SLIT3: variants seen among roughly 807,000 people sequenced by gnomAD.
SLIT3 encodes slit guidance ligand 3, also known as slit homolog 3 protein.
In SLIT3, 68 loss-of-function variants were observed where a neutral mutation model predicts 184.0. The ratio of observed to expected loss-of-function variants is 0.37; its 90% CI spans 0.30 to 0.45. The LOEUF is 0.45. Ranked by LOEUF, SLIT3 falls within the 20% of genes least tolerant of loss-of-function variation. The probability of loss-of-function intolerance (pLI) is 1.00; values close to 1 mark genes in which losing one functional copy is unlikely to be tolerated. For missense variants in SLIT3, 1,707 were observed against 2,026.0 expected (o/e 0.84, Z 3.02); for synonymous variants, 831 against 828.6 (o/e 1.00, Z -0.05).
intron 1 of SLIT3, 139 bp from the exon 2 acceptor site, chr5:169,251,598 G>C: frequency 1.5e-6 from 1 of 661,926 alleles, no homozygotes; most frequent in Non-Finnish European, 2.8e-6. Flanking sequence ...CCTTGAGCGT[G>C]CCCGGCTAAC....
intron 8 of SLIT3, among the ~76,000 whole-genome samples, chr5:168,813,035 C>T (rs999864833): frequency 3.3e-5 from 5 of 152,130 alleles, no homozygotes; most frequent in African/African-American, 4.8e-5. Context: ...AAAAAGTGTA[C>T]GACGTGGCCC....
chr5:169,151,864 C>T (rs1186643425), intron 4 of SLIT3, among the ~76,000 whole-genome samples: 1 of 152,188 alleles, frequency 6.6e-6, no homozygotes, highest in Non-Finnish European at 1.5e-5. Context: ...GACTTCAAAT[C>T]CTGCCCCTGC....
At chr5:168,809,350 C>T (rs534401894) in intron 8 of SLIT3, among the ~76,000 whole-genome samples, 155 of 152,316 alleles carry the variant, frequency 1.0e-3, no homozygotes, top group South Asian at 2.7e-3. Context: ...GTCACTAACA[C>T]CACCTTTAAT....
intron 32 of SLIT3, among the ~76,000 whole-genome samples, chr5:168,680,648 T>C (rs553802078): frequency 6.6e-6 from 1 of 152,246 alleles, no homozygotes; most frequent in African/African-American, 2.4e-5. Context: ...TTTTTTGTGG[T>C]TGGACTGGCC....
rs1277737735 is a variant in SLIT3, at chr5:169,015,964, A to C, written c.414-132628T>G. ...CACACACACACACACACACACACAC[A>C]CACACACACACACACACACACAACT... On this transcript the variant is annotated intron_variant, in intron 4 of 35. Transcript: ENST00000519560. 1.2e-4 allele frequency among the ~76,000 whole-genome samples: 17 copies of C among 140,460 alleles called. 1 individual carries two copies. Among genetic ancestry groups the C allele is most frequent in the Admixed American group, 3.3e-4 (4 of 12,114 alleles). 92.1% of individuals were successfully genotyped at this position (140,460 alleles called of 152,430 possible).
intron 4 of SLIT3, among the ~76,000 whole-genome samples, chr5:169,053,133 A>G (rs1757872066): frequency 6.6e-6 from 1 of 152,246 alleles, no homozygotes. Context: ...TAAGCTCTGT[A>G]GCTACAGTTG....
intron 4 of SLIT3, among the ~76,000 whole-genome samples, chr5:169,047,601 A>T (rs1376626283): frequency 6.6e-6 from 1 of 151,040 alleles, no homozygotes; most frequent in Non-Finnish European, 1.5e-5. Context: ...ATCTAGCCTT[A>T]TGTCCATCAT....
At chr5:168,872,210 T>G (rs975856746) in intron 5 of SLIT3, among the ~76,000 whole-genome samples, 34 of 152,180 alleles carry the variant, frequency 2.2e-4, no homozygotes, top group African/African-American at 7.7e-4. Context: ...TTTACCTGCA[T>G]GATTAAAAGC....
At chr5:169,212,767 T>C (rs1312724748) in intron 3 of SLIT3, among the ~76,000 whole-genome samples, 1 of 152,206 alleles carries the variant, frequency 6.6e-6, no homozygotes, top group Non-Finnish European at 1.5e-5. Context: ...AATGTTTAAG[T>C]CTTTAATCCA....
chr5:168,689,470 C>T (rs532354706), intron 29 of SLIT3, among the ~76,000 whole-genome samples: 1 of 152,192 alleles, frequency 6.6e-6, no homozygotes, highest in Non-Finnish European at 1.5e-5. Context: ...ATTCACAGCC[C>T]CACCCCTTTA....
At chr5:168,929,671 T>A (rs1488245996) in intron 4 of SLIT3, among the ~76,000 whole-genome samples, 1 of 152,254 alleles carries the variant, frequency 6.6e-6, no homozygotes, top group Non-Finnish European at 1.5e-5. Context: ...GCAGGTTATT[T>A]ATCTGAAGTC....
At chr5:169,138,239 G>C (rs115589319) in intron 4 of SLIT3, among the ~76,000 whole-genome samples, 126 of 152,264 alleles carry the variant, frequency 8.3e-4, no homozygotes, top group African/African-American at 2.6e-3. Context: ...TCCCGTAAAC[G>C]CATGGGACTT....
At chr5:168,929,835 C>T (rs1386618825) in intron 4 of SLIT3, among the ~76,000 whole-genome samples, 4 of 152,190 alleles carry the variant, frequency 2.6e-5, no homozygotes, top group South Asian at 2.1e-4. Context: ...GGGGACATGG[C>T]GTGGGCCGGC....
At chr5:168,817,026 C>A (rs770260991) in intron 8 of SLIT3, among the ~76,000 whole-genome samples, 1 of 150,828 alleles carries the variant, frequency 6.6e-6, no homozygotes, top group Non-Finnish European at 1.5e-5. Context: ...AACAAATGTT[C>A]GGTTTCTAGT....
intron 4 of SLIT3, among the ~76,000 whole-genome samples, chr5:168,930,807 C>T (rs776495605): frequency 6.6e-6 from 1 of 151,994 alleles, no homozygotes; most frequent in Non-Finnish European, 1.5e-5. Flanking sequence ...AGCAGCCCCC[C>T]GAGAGGCCTG....
chr5:169,201,476 G>A (rs1351146807), intron 3 of SLIT3, among the ~76,000 whole-genome samples: 1 of 152,148 alleles, frequency 6.6e-6, no homozygotes, highest in Admixed American at 6.5e-5. Context: ...TGTTTCTCAA[G>A]GGCTCAATAA....
chr5:169,074,848 C>T (rs1460116342), intron 4 of SLIT3, among the ~76,000 whole-genome samples: 7 of 152,136 alleles, frequency 4.6e-5, no homozygotes, highest in Admixed American at 4.6e-4. Flanking sequence ...ACAAGGCCCC[C>T]AAGGGCTCCT....
At chr5:168,871,355 A>T (rs1231123206) in intron 5 of SLIT3, among the ~76,000 whole-genome samples, 4 of 152,106 alleles carry the variant, frequency 2.6e-5, no homozygotes, top group Admixed American at 2.0e-4. Flanking sequence ...GGATGTAGGC[A>T]TTTTTAGAAG....
intron 5 of SLIT3, among the ~76,000 whole-genome samples, chr5:168,867,602 A>T (rs1233895635): frequency 1.3e-5 from 2 of 152,194 alleles, no homozygotes; most frequent in African/African-American, 4.8e-5. Flanking sequence ...TCAAAACACT[A>T]CAAGATGTAG....
Sources: allele counts gnomAD v4.1 joint callset (sites outside exome capture counted in the v4.1 genomes callset), GRCh38; gene constraint gnomAD v4.1.1; transcripts MANE v1.5; gene names NCBI Gene and HGNC (gene_info 2026-07-23, HGNC 2026-07-21).